GRM7: variants seen among roughly 807,000 people sequenced by gnomAD.
GRM7 encodes the protein glutamate metabotropic receptor 7, also known as metabotropic glutamate receptor 7.
Under a neutral mutation model 84.5 loss-of-function variants are expected in GRM7, and 35 were observed. The ratio of observed to expected loss-of-function variants is 0.41; its 90% CI spans 0.32 to 0.55. The LOEUF is 0.55. Ranked by LOEUF, GRM7 falls within the 20% of genes least tolerant of loss-of-function variation. The probability of loss-of-function intolerance (pLI) is 0.19; values close to 1 mark genes in which losing one functional copy is unlikely to be tolerated. For missense variants in GRM7, 1,003 were observed against 1,194.6 expected (o/e 0.84, Z 2.36); for synonymous variants, 487 against 455.1 (o/e 1.07, Z -0.89).
chr3:7,434,729 A>G (rs1575330175), intron 5 of GRM7, among the ~76,000 whole-genome samples: 4 of 152,058 alleles, frequency 2.6e-5, no homozygotes, highest in Non-Finnish European at 2.9e-5. Context: ...ATTTTTAATC[A>G]TGAGTATTGG....
chr3:7,503,628 G>A (rs2124968021), intron 7 of GRM7, among the ~76,000 whole-genome samples: 1 of 152,246 alleles, frequency 6.6e-6, no homozygotes, highest in East Asian at 1.9e-4. Context: ...TCTGTAGATG[G>A]TGCTAATGTG....
intron 5 of GRM7, among the ~76,000 whole-genome samples, chr3:7,445,086 A>G (rs1413213449): frequency 1.3e-5 from 2 of 152,150 alleles, no homozygotes; most frequent in African/African-American, 4.8e-5. Flanking sequence ...TTCCACCCAA[A>G]GGGAAGTCAA....
intron 7 of GRM7, chr3:7,561,632 A>T: frequency 2.2e-6 from 1 of 452,916 alleles, no homozygotes; most frequent in Non-Finnish European, 4.5e-6. Flanking sequence ...GTCCTCCAGC[A>T]GTCTTGGAAG....
At chr3:7,462,519 C>G (rs73117428) in intron 7 of GRM7, among the ~76,000 whole-genome samples, 2,567 of 152,304 alleles carry the variant, frequency 0.017, 72 homozygotes, top group African/African-American at 0.058. Context: ...CCTTTAATGT[C>G]CTTTGTAAAG....
chr3:7,172,374 T>G (rs1158695439), intron 2 of GRM7, among the ~76,000 whole-genome samples: 2 of 152,138 alleles, frequency 1.3e-5, no homozygotes, highest in Non-Finnish European at 1.5e-5. Context: ...TTCCTAGCCA[T>G]GTATCTATGA....
rs527844486 is a variant in GRM7, at chr3:6,959,020, C to T, written c.519+97113C>T. On this transcript the variant is annotated intron_variant, in intron 1 of 9. Transcript: ENST00000357716. ...GTCCAGGGGCATATGGCCCTGTAGG[C>T]GTCATTTGATTAAAGTGGAGGAAAT... Among the ~76,000 whole-genome samples, 11 of 152,258 alleles carry T rather than the reference C, an allele frequency of 7.2e-5. No homozygotes were observed. In the South Asian group the frequency reaches 1.4e-3, roughly 20 times the overall value.
At position 7,328,580 on chromosome 3, in the gene GRM7, T is replaced by C. The variant is rs371226923; in HGVS notation, c.1033+21928T>C. Among the ~76,000 whole-genome samples the C allele has an allele frequency of 5.1e-4, 77 of 152,230 alleles. 4 individuals are homozygous for C. In the South Asian group the frequency reaches 0.012, roughly 24 times the overall value. ...CACTAAGTCAACCTGGCAAGGACAATAGAGAATGCAATTCAGAATGCACCT... is the reference window on the plus strand; with the variant it reads ...CACTAAGTCAACCTGGCAAGGACAACAGAGAATGCAATTCAGAATGCACCT... On this transcript the variant is annotated intron_variant, in intron 4 of 9. Transcript: ENST00000357716.
At chr3:6,963,657 T>C (rs900491539) in intron 1 of GRM7, among the ~76,000 whole-genome samples, 4 of 152,152 alleles carry the variant, frequency 2.6e-5, no homozygotes, top group Non-Finnish European at 4.4e-5. Context: ...CATTCCAAAA[T>C]GTGTGTATAT....
intron 8 of GRM7, among the ~76,000 whole-genome samples, chr3:7,580,658 G>A (rs566151219): frequency 6.6e-6 from 1 of 152,102 alleles, no homozygotes; most frequent in East Asian, 1.9e-4. Flanking sequence ...AAACCACACA[G>A]AATTCTAAAA....
intron 1 of GRM7, among the ~76,000 whole-genome samples, chr3:6,886,263 T>A (rs1294173345): frequency 6.6e-6 from 1 of 152,026 alleles, no homozygotes; most frequent in African/African-American, 2.4e-5. Context: ...CCGCATGTTG[T>A]CACCATAAGT....
Position 7,611,390 on chromosome 3 carries a change from C to T in GRM7, c.2451+32033C>T, listed in dbSNP as rs184265965. Among the ~76,000 whole-genome samples, 85 of 152,222 alleles carry T rather than the reference C, an allele frequency of 5.6e-4. 1 individual carries two copies. In the East Asian group the frequency reaches 0.015, roughly 27 times the overall value. ...AGAAACATGGGGATGCAGAAGACTC[C>T]TTATGAAACAAGAAATGGCTTTGTA... is the stretch of plus-strand genomic sequence containing the variant. On this transcript the variant is annotated intron_variant, in intron 8 of 9. Transcript: ENST00000357716.
chr3:7,252,656 C>T (rs891831109), intron 2 of GRM7, among the ~76,000 whole-genome samples: 19 of 41,618 alleles, frequency 4.6e-4, no homozygotes, highest in African/African-American at 1.2e-3. Flanking sequence ...TAGCTTTTCT[C>T]TTTTCTATTT....
chr3:6,932,361 C>G (rs115173150), intron 1 of GRM7, among the ~76,000 whole-genome samples: 1 of 152,066 alleles, frequency 6.6e-6, no homozygotes, highest in Non-Finnish European at 1.5e-5. Context: ...CAGATGGAAG[C>G]TTTTTGTCCA....
In GRM7 at chr3:6,974,663, A is replaced by G. The variant is rs1009885500; in HGVS notation, c.519+112756A>G. On this transcript the variant is annotated intron_variant, in intron 1 of 9. Transcript: ENST00000357716. ...AGAGGTCGTGATCAACTGTGTTAAG[A>G]GCTGCTGCCTGATGGGGTAAGATAA... Among the ~76,000 whole-genome samples, 8 of 152,154 alleles carry G rather than the reference A, an allele frequency of 5.3e-5. No individual in the cohort carries two copies. The East Asian group carries it at 1.5e-3, about 29-fold the overall frequency.
At chr3:7,280,484 T>G (rs536477454) in intron 2 of GRM7, among the ~76,000 whole-genome samples, 16 of 152,334 alleles carry the variant, frequency 1.1e-4, no homozygotes, top group African/African-American at 3.8e-4. Context: ...TTATTAGCTG[T>G]GTGACCCTAG....
chr3:7,022,380 C>CACACACACAT (rs1695812419), intron 1 of GRM7, among the ~76,000 whole-genome samples: 1 of 151,278 alleles, frequency 6.6e-6, no homozygotes, highest in African/African-American at 2.4e-5. Context: ...CACACACACA[C>CACACACACAT]ACACACCAGT....
At chr3:7,331,208 T>C (rs1032095277) in intron 4 of GRM7, among the ~76,000 whole-genome samples, 1 of 152,144 alleles carries the variant, frequency 6.6e-6, no homozygotes, top group Non-Finnish European at 1.5e-5. Flanking sequence ...AATAAATATG[T>C]TTAAATGAAT....
chr3:7,682,920 T>C (rs955582196), intron 9 of GRM7, among the ~76,000 whole-genome samples: 1 of 152,228 alleles, frequency 6.6e-6, no homozygotes, highest in Non-Finnish European at 1.5e-5. Context: ...TTGTTATTCT[T>C]ATTTTACTGA....
At chr3:7,470,074 G>A (rs1698635381) in intron 7 of GRM7, among the ~76,000 whole-genome samples, 1 of 152,152 alleles carries the variant, frequency 6.6e-6, no homozygotes, top group African/African-American at 2.4e-5. Flanking sequence ...GATACAAGGT[G>A]TGCGCTCTCT....
Sources: gnomAD v4.1 joint callset for allele counts (sites outside exome capture counted in the v4.1 genomes callset) on GRCh38, gnomAD v4.1.1 for gene constraint, MANE v1.5 for transcripts, NCBI Gene and HGNC (gene_info 2026-07-23, HGNC 2026-07-21) for gene names.